TBC1D30: variants seen among roughly 807,000 people sequenced by gnomAD.
TBC1D30 encodes the protein TBC1 domain family, member 30.
TBC1D30 carries 31 observed loss-of-function variants against 63.2 expected under a neutral mutation model. The ratio of observed to expected loss-of-function variants is 0.49; its 90% CI spans 0.37 to 0.66. The LOEUF is 0.66. Among genes scored for constraint, TBC1D30 ranks in the 30% least tolerant of loss-of-function variants. TBC1D30 has a pLI of 0.00. For synonymous variants in TBC1D30, 307 were observed against 361.5 expected (o/e 0.85, Z 1.71); for missense variants, 810 against 953.6 (o/e 0.85, Z 1.98).
rs544145591 is a variant in TBC1D30 at position 64,786,659 on chromosome 12, C to T, written c.643+614C>T. On this transcript the variant is annotated intron_variant, in intron 2 of 12. Transcript: ENST00000542120. The stretch of plus-strand genomic sequence containing the variant: ...CCTGGACAAATTTTTATTTTTAAAA[C>T]AGCATCACTGGCTGGGTGTGGTGGC... Among the ~76,000 whole-genome samples the T allele has an allele frequency of 7.9e-5, 12 of 151,388 alleles. No individual in the cohort carries two copies. In the South Asian group the frequency reaches 2.6e-3, roughly 33 times the overall value.
intron 4 of TBC1D30, 56 bp from the exon 5 acceptor site, chr12:64,832,063 G>C (rs1874915966): frequency 6.4e-6 from 9 of 1,397,874 alleles, no homozygotes; most frequent in Non-Finnish European, 8.5e-6. Context: ...AAAAGGTATT[G>C]TTTTGGAAAG....
At chr12:64,765,340 T>G (rs915633027) in intron 1 of TBC1D30, among the ~76,000 whole-genome samples, 1 of 151,006 alleles carries the variant, frequency 6.6e-6, no homozygotes, top group African/African-American at 2.4e-5. Flanking sequence ...ATACAAAAAA[T>G]TAGCTGGGCA....
chr12:64,878,254 G>C lies in TBC1D30; in HGVS notation c.*2466G>C, dbSNP rs1879224900. 3 of 326,294 alleles carry C rather than the reference G, an allele frequency of 9.2e-6. No homozygotes were observed. The highest frequency in any genetic ancestry group is 1.8e-5 in the Non-Finnish European group (3 of 163,634). The allele number at this position is 326,294 out of a possible 1,614,324, so 20.2% of individuals were successfully genotyped here. On this transcript the variant is annotated 3_prime_UTR_variant, in exon 12 of 12. Coordinates refer to ENST00000539867, the MANE Select transcript of TBC1D30 (RefSeq NM_015279.2). ...TCACAATGTGAATTGGTCAATTTATGAGCCTTGCCTACTTTAGAAAATAAA... is the reference window on the plus strand; with the variant it reads ...TCACAATGTGAATTGGTCAATTTATCAGCCTTGCCTACTTTAGAAAATAAA...
Position 64,843,371 on chromosome 12 carries a change from T to C in TBC1D30, c.933-9T>C. The C allele has an allele frequency of 6.5e-7, 1 of 1,535,944 alleles. No individual in the cohort carries two copies. Among genetic ancestry groups the C allele is most frequent in the Non-Finnish European group, 8.7e-7 (1 of 1,146,568 alleles). Reference sequence around the variant, plus strand: ...AACAAGTTGTATTTTCTGTCCTTTCTTTATCTAGGCAGATAGAATGTTGTG... The same window carrying C: ...AACAAGTTGTATTTTCTGTCCTTTCCTTATCTAGGCAGATAGAATGTTGTG... On this transcript the variant is annotated splice_polypyrimidine_tract_variant and intron_variant, in intron 7 of 11. Transcript: ENST00000539867.
intron 1 of TBC1D30, among the ~76,000 whole-genome samples, chr12:64,766,048 T>G (rs1870702155): frequency 6.6e-6 from 1 of 151,854 alleles, no homozygotes; most frequent in Admixed American, 6.6e-5. Context: ...TATAACTGAA[T>G]AGCACTATAT....
intron 10 of TBC1D30, among the ~76,000 whole-genome samples, chr12:64,869,863 T>C (rs942305565): frequency 3.3e-5 from 5 of 152,242 alleles, no homozygotes; most frequent in Non-Finnish European, 7.3e-5. Context: ...CAGTCTTTTT[T>C]TGACTCTGGC....
intron 2 of TBC1D30, among the ~76,000 whole-genome samples, chr12:64,791,452 A>G (rs1163333981): frequency 6.6e-6 from 1 of 152,212 alleles, no homozygotes; most frequent in Non-Finnish European, 1.5e-5. Flanking sequence ...AAAGGAAGAG[A>G]AAAAATTATT....
chr12:64,818,416 TACTC>T (rs369041160), intron 2 of TBC1D30: 8 of 983,744 alleles, frequency 8.1e-6, no homozygotes, highest in South Asian at 4.7e-5. Context: ...TCCTTGTCAC[TACTC>T]ACTCAGTAAA....
At chr12:64,874,430 C>T (rs182384652) in intron 11 of TBC1D30, among the ~76,000 whole-genome samples, 131 of 152,272 alleles carry the variant, frequency 8.6e-4, no homozygotes, top group African/African-American at 1.9e-3. Context: ...AATTGGCTTT[C>T]GAAGTCCATT....
At chr12:64,820,103 A>T (rs1873799851), upstream of TBC1D30, among the ~76,000 whole-genome samples, 1 of 152,242 alleles carries the variant, frequency 6.6e-6, no homozygotes, top group East Asian at 1.9e-4. Flanking sequence ...TTCTCTTGGT[A>T]ATTGTCAGTC....
At chr12:64,840,027 A>AAAAAAAAAAAAAAAAAAAC (rs1555171793) in intron 7 of TBC1D30, among the ~76,000 whole-genome samples, 2 of 145,812 alleles carry the variant, frequency 1.4e-5, no homozygotes, top group African/African-American at 5.2e-5. Context: ...AAAAAAAAAA[A>AAAAAAAAAAAAAAAAAAAC]ATCCACCAAC....
upstream of TBC1D30, among the ~76,000 whole-genome samples, chr12:64,780,511 A>G (rs1871209521): frequency 2.6e-5 from 4 of 152,224 alleles, no homozygotes; most frequent in Admixed American, 2.6e-4. Context: ...TGTTCTGGCC[A>G]CGTCCTGCGC....
chr12:64,851,054 G>T (rs1181354985), intron 8 of TBC1D30, among the ~76,000 whole-genome samples: 1 of 152,136 alleles, frequency 6.6e-6, no homozygotes, highest in Admixed American at 6.5e-5. Flanking sequence ...TAGTTTATTT[G>T]CCTAGGGGTG....
intron 8 of TBC1D30, among the ~76,000 whole-genome samples, chr12:64,857,977 G>C (rs896044027): frequency 9.2e-5 from 14 of 152,242 alleles, no homozygotes; most frequent in African/African-American, 3.1e-4. Flanking sequence ...AGGGGATTGG[G>C]GAGGGGTGGC....
intron 10 of TBC1D30, chr12:64,867,953 T>A (rs533447979): frequency 5.2e-5 from 8 of 152,598 alleles, no homozygotes; most frequent in African/African-American, 1.7e-4. Flanking sequence ...GGTAGACCCC[T>A]TAGTTCATCC....
At chr12:64,840,484 A>G (rs925269384) in intron 7 of TBC1D30, among the ~76,000 whole-genome samples, 3 of 152,226 alleles carry the variant, frequency 2.0e-5, no homozygotes, top group African/African-American at 7.2e-5. Flanking sequence ...CAGGGATGTC[A>G]TACTGTTGAA....
At chr12:64,785,965 A>G in exon 2 of TBC1D30, 1 of 1,289,892 alleles carries the variant, frequency 7.8e-7, no homozygotes, top group Non-Finnish European at 1.0e-6. Flanking sequence ...CATCTGAAGC[A>G]GAAAGATAGG....
In TBC1D30 at chr12:64,875,707, A is replaced by G. The variant is rs748246243; in HGVS notation, c.2205A>G (p.Arg735=). ...RNLGLYGPTE[R]TPTVHFPQMS... is the part of the protein sequence containing the mutation. ...TGGGATTATATGGCCCTACAGAAAG[A>G]ACCCCAACTGTGCACTTTCCTCAAA... Residue 735 remains arginine, a synonymous_variant, in exon 12 of 12, where the codon AGA becomes AGG. Coordinates refer to ENST00000539867, the MANE Select transcript of TBC1D30 (RefSeq NM_015279.2). 2.6e-6 allele frequency: 4 copies of G among 1,536,650 alleles called. No homozygotes were observed. The South Asian group carries it at 4.8e-5, about 18-fold the overall frequency.
rs1222368867 is a variant in TBC1D30, at chr12:64,864,763, A to G, written c.1134A>G (p.Lys378=). 6.5e-7 allele frequency: 1 copy of G among 1,535,544 alleles called. No individual in the cohort carries two copies. Among genetic ancestry groups the G allele is most frequent in the African/African-American group, 1.4e-5 (1 of 73,006 alleles). Residue 378 remains lysine, a synonymous_variant, in exon 9 of 12, where the codon AAA becomes AAG. Coordinates refer to ENST00000539867, the MANE Select transcript of TBC1D30 (RefSeq NM_015279.2). The part of the protein sequence containing the change: ...YNITPFPATV[K]PTSVSGRHSK... ...TTACACCGTTCCCAGCCACAGTTAA[A>G]CCCACCTCAGTTTCTGGGTAAGGTT...
Sources: allele counts gnomAD v4.1 joint callset (sites outside exome capture counted in the v4.1 genomes callset), GRCh38; gene constraint gnomAD v4.1.1; transcripts MANE v1.5; gene names NCBI Gene and HGNC (gene_info 2026-07-23, HGNC 2026-07-21).